The following FGF10 variants were observed in gnomAD, a reference collection of about 807,000 sequenced individuals.
The protein encoded by FGF10 is FGF-10.
Under a neutral mutation model 19.8 loss-of-function variants are expected in FGF10, and 2 were observed. The ratio of observed to expected loss-of-function variants is 0.10; its 90% CI spans 0.04 to 0.32. FGF10 has a LOEUF of 0.32. Ranked by LOEUF, FGF10 falls within the 10% of genes least tolerant of loss-of-function variation. The pLI, the probability that FGF10 is intolerant of heterozygous loss-of-function variation, is 1.00. For missense variants in FGF10, 191 were observed against 246.3 expected (o/e 0.78, Z 1.50); for synonymous variants, 112 against 94.0 (o/e 1.19, Z -1.10).
chr5:44,378,224 T>A (rs1341652142), intron 1 of FGF10, among the ~76,000 whole-genome samples: 1 of 152,206 alleles, frequency 6.6e-6, no homozygotes, highest in Non-Finnish European at 1.5e-5. Context: ...TGGACTGTGA[T>A]CTGTTATATG....
At chr5:44,385,079 A>G (rs1226677323) in intron 1 of FGF10, among the ~76,000 whole-genome samples, 1 of 152,132 alleles carries the variant, frequency 6.6e-6, no homozygotes, top group South Asian at 2.1e-4. Context: ...GCAAAGCTCT[A>G]GATGTAAAGA....
rs1979079 is a variant in FGF10, at chr5:44,300,548, A to G, written c.*4447T>C. 0.22 allele frequency among the ~76,000 whole-genome samples: 33,032 copies of G among 152,216 alleles called. 3,725 individuals carry two copies. The highest frequency in any genetic ancestry group is 0.32 in the Admixed American group (4,830 of 15,266). ...AAATGTAATCTTTCAATGGTAAAGA[A>G]CATATGAAAGAGAATGATCTTAAAA... On this transcript the variant is annotated 3_prime_UTR_variant, in exon 3 of 3. Coordinates refer to ENST00000264664, the MANE Select transcript of FGF10 (RefSeq NM_004465.2).
At chr5:44,365,037 T>C (rs149478012) in intron 1 of FGF10, among the ~76,000 whole-genome samples, 3 of 152,078 alleles carry the variant, frequency 2.0e-5, no homozygotes, top group South Asian at 2.1e-4. Context: ...TGGAAATTAA[T>C]GGATACTGTC....
At position 44,304,933 on chromosome 5, in the gene FGF10, A is replaced by G; in HGVS notation, c.*62T>C. ...TTTCAATCTACTGTCTTCATGAAGAATATCCACTATTCTTGGCAAAAGAGC... is the reference window on the plus strand; with the variant it reads ...TTTCAATCTACTGTCTTCATGAAGAGTATCCACTATTCTTGGCAAAAGAGC... On this transcript the variant is annotated 3_prime_UTR_variant, in exon 3 of 3. Transcript: ENST00000264664. 1 of 1,480,134 alleles carries G rather than the reference A, an allele frequency of 6.8e-7. No individual in the cohort carries two copies. The highest frequency in any genetic ancestry group is 9.4e-7 in the Non-Finnish European group (1 of 1,058,456). The allele number at this position is 1,480,134 out of a possible 1,614,324, so 91.7% of individuals were successfully genotyped here. A position where few individuals can be genotyped will look rare whatever the true frequency, so the allele number is the denominator to read the frequency against.
In FGF10 at chr5:44,360,941, A is replaced by C. The variant is rs576864337; in HGVS notation, c.325+27417T>G. On this transcript the variant is annotated intron_variant, in intron 1 of 2. Coordinates refer to ENST00000264664, the MANE Select transcript of FGF10 (RefSeq NM_004465.2). ...CTTTTAAAGAGGCCTGCTGCTGCAG[A>C]AAGCATAGGTAAATTCTCTAATTTT... 1.3e-5 allele frequency among the ~76,000 whole-genome samples: 2 copies of C among 151,824 alleles called. 1 individual carries two copies. Among genetic ancestry groups the C allele is most frequent in the South Asian group, 4.1e-4 (2 of 4,830 alleles).
intron 1 of FGF10, among the ~76,000 whole-genome samples, chr5:44,330,805 A>G (rs1303762153): frequency 6.6e-6 from 1 of 152,178 alleles, no homozygotes; most frequent in African/African-American, 2.4e-5. Flanking sequence ...TCTTAGAAAA[A>G]TGTCAAAATT....
chr5:44,370,244 A>G (rs1388352122), intron 1 of FGF10, among the ~76,000 whole-genome samples: 1 of 152,100 alleles, frequency 6.6e-6, no homozygotes, highest in African/African-American at 2.4e-5. Context: ...TTATAAAGAG[A>G]AATAGGTAGG....
intron 2 of FGF10, among the ~76,000 whole-genome samples, chr5:44,308,015 G>T (rs1164925516): frequency 6.6e-6 from 1 of 152,146 alleles, no homozygotes; most frequent in African/African-American, 2.4e-5. Flanking sequence ...ACAAATAGTG[G>T]GGGACAAGAC....
intron 1 of FGF10, among the ~76,000 whole-genome samples, chr5:44,315,760 C>T (rs909424797): frequency 1.3e-5 from 2 of 152,092 alleles, no homozygotes; most frequent in Non-Finnish European, 2.9e-5. Context: ...CTAAGTTCAT[C>T]TATTATATCC....
intron 1 of FGF10, among the ~76,000 whole-genome samples, chr5:44,314,408 A>G (rs1421951609): frequency 2.0e-5 from 3 of 152,218 alleles, no homozygotes; most frequent in African/African-American, 7.2e-5. Context: ...GTAGCAATCT[A>G]TAAAGCTTAT....
chr5:44,345,641 A>T lies in FGF10; in HGVS notation c.326-35111T>A, dbSNP rs1741075829. Among the ~76,000 whole-genome samples, 5 of 151,526 alleles carry T rather than the reference A, an allele frequency of 3.3e-5. No individual in the cohort carries two copies. In the South Asian group the frequency reaches 1.0e-3, roughly 31 times the overall value. On this transcript the variant is annotated intron_variant, in intron 1 of 2. Transcript: ENST00000264664. ...CATTCCCTTTCTCAGCTCAAAAAAAAAAAAAAAAAATCGAACTTCTACTTG... is the reference window on the plus strand; with the variant it reads ...CATTCCCTTTCTCAGCTCAAAAAAATAAAAAAAAAATCGAACTTCTACTTG...
chr5:44,385,347 G>A (rs1044775826), intron 1 of FGF10, among the ~76,000 whole-genome samples: 1 of 152,058 alleles, frequency 6.6e-6, no homozygotes, highest in Non-Finnish European at 1.5e-5. Context: ...GAATTTCTGG[G>A]AACTAGCTTT....
intron 1 of FGF10, among the ~76,000 whole-genome samples, chr5:44,379,930 C>A (rs2111915578): frequency 6.6e-6 from 1 of 152,306 alleles, no homozygotes; most frequent in South Asian, 2.1e-4. Flanking sequence ...TCTTTACCGT[C>A]TCTCTTGCTT....
chr5:44,365,368 A>G (rs1375617422), intron 1 of FGF10, among the ~76,000 whole-genome samples: 1 of 146,396 alleles, frequency 6.8e-6, no homozygotes, highest in Non-Finnish European at 1.5e-5. Context: ...AAAAAAAAAG[A>G]GAGAGGTAAA....
In FGF10 at chr5:44,300,610, A is replaced by G. The variant is rs1489645615; in HGVS notation, c.*4385T>C. 2.6e-5 allele frequency among the ~76,000 whole-genome samples: 4 copies of G among 152,188 alleles called. No individual in the cohort carries two copies. The highest frequency in any genetic ancestry group is 9.6e-5 in the African/African-American group (4 of 41,470). Reference sequence around the variant, plus strand: ...TGGACAAACAAACAGGTGAAGAATAATTGGAATTGGTGGGAAATATAGGAA... The same window carrying G: ...TGGACAAACAAACAGGTGAAGAATAGTTGGAATTGGTGGGAAATATAGGAA... On this transcript the variant is annotated 3_prime_UTR_variant, in exon 3 of 3. Transcript: ENST00000264664.
chr5:44,339,389 A>T (rs568940538), intron 1 of FGF10, among the ~76,000 whole-genome samples: 1 of 152,200 alleles, frequency 6.6e-6, no homozygotes, highest in Non-Finnish European at 1.5e-5. Flanking sequence ...TTCTCACAGT[A>T]TATTAAAGAC....
intron 1 of FGF10, among the ~76,000 whole-genome samples, chr5:44,347,091 G>A (rs1415137409): frequency 1.3e-5 from 2 of 151,662 alleles, no homozygotes; most frequent in Admixed American, 6.6e-5. Flanking sequence ...CTAGAGGAAG[G>A]CCAAGAACAT....
At chr5:44,382,635 G>A (rs1454037545) in intron 1 of FGF10, among the ~76,000 whole-genome samples, 1 of 151,952 alleles carries the variant, frequency 6.6e-6, no homozygotes, top group Non-Finnish European at 1.5e-5. Flanking sequence ...AAACACCCTT[G>A]GTCAAATGTC....
rs759573938 is a variant in FGF10, at chr5:44,304,418, C to G, written c.*577G>C. 1.3e-5 allele frequency: 2 copies of G among 154,076 alleles called. No individual in the cohort carries two copies. Among genetic ancestry groups the G allele is most frequent in the Admixed American group, 1.3e-4 (2 of 15,632 alleles). 9.5% of individuals were successfully genotyped at this position (154,076 alleles called of 1,614,324 possible). ...AGGCAGAATGCACAAGCATACCATACTATTTGTATTGTTAGAACAGTTTCA... is the reference window on the plus strand; with the variant it reads ...AGGCAGAATGCACAAGCATACCATAGTATTTGTATTGTTAGAACAGTTTCA... On this transcript the variant is annotated 3_prime_UTR_variant, in exon 3 of 3. Coordinates refer to ENST00000264664, the MANE Select transcript of FGF10 (RefSeq NM_004465.2).
Sources: allele counts gnomAD v4.1 joint callset (sites outside exome capture counted in the v4.1 genomes callset), GRCh38; gene constraint gnomAD v4.1.1; transcripts MANE v1.5; gene names NCBI Gene and HGNC (gene_info 2026-07-23, HGNC 2026-07-21).